NANOS3: variants seen among roughly 807,000 people sequenced by gnomAD.
NANOS3 encodes nanos homolog 3.
Under a neutral mutation model 13.8 loss-of-function variants are expected in NANOS3, and 11 were observed. The observed-to-expected ratio is 0.80, with a 90% CI of 0.50 to 1.32. The LOEUF (loss-of-function observed/expected upper bound fraction) is 1.32, where lower values mean the gene tolerates loss of function less well. Among genes scored for constraint, NANOS3 ranks in the 40% most tolerant of loss-of-function variants. NANOS3 has a pLI of 0.00. For missense variants in NANOS3, 221 were observed against 263.8 expected (o/e 0.84, Z 1.12); for synonymous variants, 119 against 115.4 (o/e 1.03, Z -0.20).
chr19:13,875,608 C>A (rs147938003), upstream of NANOS3, among the ~76,000 whole-genome samples: 1 of 151,794 alleles, frequency 6.6e-6, no homozygotes, highest in Admixed American at 6.6e-5. Flanking sequence ...AATGGTGTGA[C>A]CTTAGCTCAC....
intron 1 of NANOS3, among the ~76,000 whole-genome samples, chr19:13,878,601 TC>T (rs1191340579): frequency 6.7e-6 from 1 of 148,250 alleles, no homozygotes; most frequent in Admixed American, 6.6e-5. Context: ...TTATTTTTCT[TC>T]CTTTTTTTTT....
chr19:13,873,727 TC>T (rs1420418516), upstream of NANOS3, among the ~76,000 whole-genome samples: 1 of 152,044 alleles, frequency 6.6e-6, no homozygotes, highest in Non-Finnish European at 1.5e-5. Context: ...CGCCTCAGCC[TC>T]CCAAAATACT....
chr19:13,875,171 A>G (rs1265974423), upstream of NANOS3, among the ~76,000 whole-genome samples: 1 of 148,986 alleles, frequency 6.7e-6, no homozygotes, highest in African/African-American at 2.5e-5. Flanking sequence ...AGGCTGGGGC[A>G]GGGCAGCTAA....
chr19:13,871,222 G>T (rs1976322933), intron 1 of NANOS3, among the ~76,000 whole-genome samples: 1 of 152,102 alleles, frequency 6.6e-6, no homozygotes, highest in Non-Finnish European at 1.5e-5. Flanking sequence ...AGATGGAGAT[G>T]GGGGGTAAAC....
chr19:13,866,034 G>A lies in NANOS3; in HGVS notation n.21+597G>A, dbSNP rs563769725. On this transcript the variant is annotated intron_variant and non_coding_transcript_variant, in intron 1 of 2. Transcript: ENST00000591161. ...GCTCAGGCCTGGCCGCGGGCTGGGG[G>A]TGCTGCAGCCGCGCCACCTCCGGAA... Among the ~76,000 whole-genome samples the A allele has an allele frequency of 8.5e-5, 13 of 152,238 alleles. No homozygotes were observed. The South Asian group carries it at 2.7e-3, about 32-fold the overall frequency.
chr19:13,877,960 G>GCC (rs1310974906), intron 1 of NANOS3, among the ~76,000 whole-genome samples, 195 bp downstream of exon 1: 1 of 152,174 alleles, frequency 6.6e-6, no homozygotes, highest in Non-Finnish European at 1.5e-5. Context: ...TCAGGCTGGA[G>GCC]TGCAGTGGCG....
intron 1 of NANOS3, 144 bp downstream of exon 1, chr19:13,877,909 G>GTATT (rs1029308130): frequency 1.4e-6 from 2 of 1,402,048 alleles, no homozygotes; most frequent in South Asian, 1.5e-5. Context: ...TTTTATTTAC[G>GTATT]TATTTATTTA....
upstream of NANOS3, chr19:13,874,912 C>A: frequency 1.9e-6 from 1 of 529,320 alleles, no homozygotes; most frequent in Non-Finnish European, 3.9e-6. Context: ...TCACAATCAA[C>A]ATTCATTGTT....
At chr19:13,865,760 C>T (rs1156517217) in intron 1 of NANOS3, among the ~76,000 whole-genome samples, 1 of 123,988 alleles carries the variant, frequency 8.1e-6, no homozygotes, top group Non-Finnish European at 1.7e-5. Context: ...GATGCCCTCG[C>T]GGGGCGGGGA....
At chr19:13,880,366 CCGAGT>C (rs1968609015) in intron 1 of NANOS3, 71 bp from the exon 2 acceptor site, 1 of 1,430,034 alleles carries the variant, frequency 7.0e-7, no homozygotes, top group African/African-American at 1.4e-5. Context: ...GGCCCGGAGG[CCGAGT>C]CCGTGGGCAA....
At chr19:13,876,682 C>T (rs901138359), upstream of NANOS3, among the ~76,000 whole-genome samples, 7 of 139,156 alleles carry the variant, frequency 5.0e-5, no homozygotes, top group African/African-American at 2.2e-4. Flanking sequence ...CATCAGCAAC[C>T]TCCCGCCTGG....
chr19:13,877,103 G>A, upstream of NANOS3: 1 of 727,208 alleles, frequency 1.4e-6, no homozygotes, highest in Non-Finnish European at 2.3e-6. Flanking sequence ...CCCCTTGGAG[G>A]TAAAAGGAGG....
At position 13,877,322 on chromosome 19, in the gene NANOS3, G is replaced by A; in HGVS notation, c.74G>A (p.Gly25Asp). The stretch of plus-strand genomic sequence containing the variant: ...GTTAGGGCTCTGAGTGGGAAAGAGG[G>A]TCCTGAAACCAGGCTGAGCCCCCAG... ...HLVRALSGKE[G>D]PETRLSPQPE... Residue 25 changes from glycine to aspartate, a missense_variant, in exon 1 of 2, where the codon GGT (glycine) becomes GAT (aspartate). Physicochemically the swap from Gly to Asp is moderately conservative, Grantham distance 94 (BLOSUM62 -1). Coordinates refer to ENST00000339133, the MANE Select transcript of NANOS3 (RefSeq NM_001098622.3). 6.2e-7 allele frequency: 1 copy of A among 1,612,980 alleles called. No homozygotes were observed. The highest frequency in any genetic ancestry group is 2.2e-5 in the East Asian group (1 of 44,888).
chr19:13,877,191 A>G lies in NANOS3; in HGVS notation c.-58A>G. 3.4e-6 allele frequency: 5 copies of G among 1,466,416 alleles called. No homozygotes were observed. Among genetic ancestry groups the G allele is most frequent in the Non-Finnish European group, 4.7e-6 (5 of 1,069,976 alleles). The allele number at this position is 1,466,416 out of a possible 1,614,324, so 90.8% of individuals were successfully genotyped here. ...AGAGGGGTCAGAAGGAGGGAGCTTA[A>G]GCCAGGCAGGGTTACTTGTCTCTGT... On this transcript the variant is annotated 5_prime_UTR_variant, in exon 1 of 2. Transcript: ENST00000339133.
At chr19:13,879,426 C>T (rs1235774234) in intron 1 of NANOS3, among the ~76,000 whole-genome samples, 1 of 152,146 alleles carries the variant, frequency 6.6e-6, no homozygotes, top group Non-Finnish European at 1.5e-5. Context: ...GGCAGCTTTG[C>T]AGTGAACATT....
intron 1 of NANOS3, 66 bp downstream of exon 1, chr19:13,877,831 G>T (rs1207764357): frequency 2.0e-6 from 3 of 1,495,774 alleles, no homozygotes; most frequent in Admixed American, 4.2e-5. Flanking sequence ...TGTGAAGTAA[G>T]ATTAGCCCCA....
intron 1 of NANOS3, among the ~76,000 whole-genome samples, chr19:13,866,474 T>C (rs1879730144): frequency 6.6e-6 from 1 of 152,060 alleles, no homozygotes; most frequent in South Asian, 2.1e-4. Context: ...TACACAGACA[T>C]ACAGCACCCC....
In NANOS3 at chr19:13,877,469, A is replaced by G; in HGVS notation, c.221A>G (p.Glu74Gly). Residue 74 changes from glutamate to glycine, a missense_variant, in exon 1 of 2, where the codon GAA becomes GGA. Around this residue, in one of 3 missense-constraint regions of NANOS3, gnomAD observed 112 missense variants for 116.3 expected, o/e 0.96. Transcript: ENST00000339133. ...KRSLESSPAPERLCSFCKHNG... is the reference protein window; with the variant it reads ...KRSLESSPAPGRLCSFCKHNG... ...AGCCTGGAGTCCTCGCCAGCTCCCG[A>G]ACGCCTGTGCTCTTTCTGCAAACAC... 1 of 1,611,576 alleles carries G rather than the reference A, an allele frequency of 6.2e-7. No individual in the cohort carries two copies.
At position 13,877,341 on chromosome 19, in the gene NANOS3, C is replaced by T. The variant is rs754843428; in HGVS notation, c.93C>T (p.Ser31=). The change falls in exon 1 of 2, where the codon AGC becomes AGT. Residue 31 remains serine, a synonymous_variant. Coordinates refer to ENST00000339133, the MANE Select transcript of NANOS3 (RefSeq NM_001098622.3). ...SGKEGPETRL[S]PQPEPEPMLE... is the part of the protein sequence containing the mutation. ...AAGAGGGTCCTGAAACCAGGCTGAG[C>T]CCCCAGCCAGAGCCAGAGCCAATGC... 3.7e-6 allele frequency: 6 copies of T among 1,610,002 alleles called. No individual in the cohort carries two copies. The South Asian group carries it at 6.6e-5, about 18-fold the overall frequency.
Sources: allele counts gnomAD v4.1 joint callset (sites outside exome capture counted in the v4.1 genomes callset), GRCh38; gene constraint gnomAD v4.1.1; regional missense constraint gnomAD v4.1.1; transcripts MANE v1.5; gene names NCBI Gene and HGNC (gene_info 2026-07-23, HGNC 2026-07-21).